The following SNRNP70 variants were observed in gnomAD, a reference collection of about 807,000 sequenced individuals.
The protein encoded by SNRNP70 is U1 small nuclear ribonucleoprotein 70 kDa.
Under a neutral mutation model 50.5 loss-of-function variants are expected in SNRNP70, and 8 were observed. That is an observed-to-expected ratio of 0.16 (90% CI 0.09 to 0.29). The LOEUF (loss-of-function observed/expected upper bound fraction) is 0.29. Among genes scored for constraint, SNRNP70 ranks in the 10% least tolerant of loss-of-function variants. The pLI is 1.00. For synonymous variants in SNRNP70, 320 were observed against 252.9 expected (o/e 1.27, Z -2.52); for missense variants, 529 against 663.5 (o/e 0.80, Z 2.23).
Position 49,104,396 on chromosome 19 carries a change from G to A in SNRNP70, c.476-238G>A, listed in dbSNP as rs779368991. 5 of 497,222 alleles carry A rather than the reference G, an allele frequency of 1.0e-5. No homozygotes were observed. The highest frequency in any genetic ancestry group is 7.2e-5 in the East Asian group (2 of 27,854). The allele number at this position is 497,222 out of a possible 1,614,324, so 30.8% of individuals were successfully genotyped here. A position where few individuals can be genotyped will look rare whatever the true frequency, so the allele number is the denominator to read the frequency against. ...TAGGGGGTGGCGGGTGAGGGTGGAC[G>A]TCTCCCCCGACCAGGAGTGGTTGGG... On this transcript the variant is annotated intron_variant, in intron 7 of 9. Coordinates refer to ENST00000598441, the MANE Select transcript of SNRNP70 (RefSeq NM_003089.6). This position sits in a 1 kb window ranked among gnomAD's most constrained non-coding sequence, Gnocchi z 5.4.
intron 4 of SNRNP70, among the ~76,000 whole-genome samples, chr19:49,096,205 A>G (rs1195410686): frequency 6.6e-6 from 1 of 151,754 alleles, no homozygotes; most frequent in Non-Finnish European, 1.5e-5. Flanking sequence ...CTATAGGCGC[A>G]CACCACCATG....
chr19:49,107,679 C>G lies in SNRNP70; in HGVS notation c.632C>G (p.Ser211Ter). 6.2e-7 allele frequency: 1 copy of G among 1,614,172 alleles called. No homozygotes were observed. Among genetic ancestry groups the G allele is most frequent in the Non-Finnish European group, 8.5e-7 (1 of 1,180,026 alleles). Residue 211 changes from serine to a stop codon, truncating the protein, a stop_gained, in exon 9 of 10, where the codon TCA becomes TGA. Coordinates refer to ENST00000598441, the MANE Select transcript of SNRNP70 (RefSeq NM_003089.6). LOFTEE classifies it high-confidence loss of function. This position sits in a 1 kb window ranked among gnomAD's most constrained non-coding sequence, Gnocchi z 6.0. ...RGGADVNIRHSGRDDTSRYDE... is the reference protein window; with the variant it reads ...RGGADVNIRH ...GGGGCTGATGTGAACATCCGGCATT[C>G]AGGCCGCGATGACACCTCCCGCTAC...
intron 4 of SNRNP70, among the ~76,000 whole-genome samples, chr19:49,091,137 G>A (rs1174909198): frequency 2.0e-5 from 3 of 152,060 alleles, no homozygotes; most frequent in African/African-American, 4.8e-5. Context: ...TTGGGAGGCC[G>A]AGGCAGGCGG....
At chr19:49,103,957 TA>T (rs1310992848) in intron 7 of SNRNP70, 2 of 151,970 alleles carry the variant, frequency 1.3e-5, no homozygotes, top group Non-Finnish European at 2.9e-5. Context: ...GGATTTTCAG[TA>T]GCACCGCACG....
At chr19:49,102,438 C>T (rs1287663503) in intron 7 of SNRNP70, 1 of 284,250 alleles carries the variant, frequency 3.5e-6, no homozygotes, top group Non-Finnish European at 7.2e-6. Flanking sequence ...TTGGGTTCCA[C>T]CCAGCCTCTG....
intron 4 of SNRNP70, among the ~76,000 whole-genome samples, chr19:49,092,634 CCT>C (rs917624314): frequency 5.9e-5 from 9 of 152,168 alleles, no homozygotes; most frequent in African/African-American, 2.2e-4. Flanking sequence ...GCCTCGAACT[CCT>C]GACCTCAGGT....
chr19:49,092,253 C>T (rs754210024), intron 4 of SNRNP70, among the ~76,000 whole-genome samples: 1 of 151,990 alleles, frequency 6.6e-6, no homozygotes, highest in African/African-American at 2.4e-5. Context: ...GGACTACAGG[C>T]GTGCGTCACC....
intron 7 of SNRNP70, chr19:49,103,462 G>C (rs2040618333): frequency 6.6e-6 from 1 of 152,658 alleles, no homozygotes; most frequent in East Asian, 1.9e-4. Context: ...GCTCAGGTAA[G>C]CTTGGGGGCT....
In SNRNP70 at chr19:49,104,429, G is replaced by C. The variant is rs981444224; in HGVS notation, c.476-205G>C. On this transcript the variant is annotated intron_variant, in intron 7 of 9. Transcript: ENST00000598441. This position sits in a 1 kb window ranked among gnomAD's most constrained non-coding sequence, Gnocchi z 5.4. ...CGACCAGGAGTGGTTGGGGCGCTGA[G>C]AGGAAGCAGACGCTGAGATGGAGCA... 5 of 548,008 alleles carry C rather than the reference G, an allele frequency of 9.1e-6. No homozygotes were observed. The Admixed American group carries it at 1.3e-4, about 14-fold the overall frequency. The allele number at this position is 548,008 out of a possible 1,614,324, so 33.9% of individuals were successfully genotyped here.
Position 49,092,752 on chromosome 19 carries a change from C to CT in SNRNP70, c.265+2240dup, listed in dbSNP as rs1039640848. ...ACCAACCACATCCACTGTGGGTCTT[C>CT]TTTTTTTTCTTTTTTGGAAAAACTT... On this transcript the variant is annotated intron_variant, in intron 4 of 9. Transcript: ENST00000598441. 1.3e-4 allele frequency among the ~76,000 whole-genome samples: 20 copies of CT among 151,942 alleles called. 1 individual carries two copies. Among genetic ancestry groups the CT allele is most frequent in the East Asian group, 9.7e-4 (5 of 5,146 alleles).
chr19:49,090,533 T>C lies in SNRNP70; in HGVS notation c.265+13T>C. The stretch of plus-strand genomic sequence containing the variant: ...GAGCTTAAAATGTGTAAGTCTCTCA[T>C]CCACCATTTGGCTCTCTCCTCTCCC... On this transcript the variant is annotated intron_variant, in intron 4 of 9. Coordinates refer to ENST00000598441, the MANE Select transcript of SNRNP70 (RefSeq NM_003089.6). The C allele has an allele frequency of 7.4e-6, 12 of 1,613,612 alleles. No homozygotes were observed. Among genetic ancestry groups the C allele is most frequent in the Non-Finnish European group, 1.0e-5 (12 of 1,179,558 alleles).
At chr19:49,090,420 C>T in intron 3 of SNRNP70, 46 bp from the exon 4 acceptor site, 1 of 1,612,248 alleles carries the variant, frequency 6.2e-7, no homozygotes, top group Non-Finnish European at 8.5e-7. Flanking sequence ...GACACTAGGG[C>T]ACTTCTATCT....
chr19:49,104,765 C>G lies in SNRNP70; in HGVS notation c.577+30C>G. ...GCACATCCTGCCTTCGACGGGCTCT[C>G]GGGGGCCCTGGGCCTGGTGGCCTTG... On this transcript the variant is annotated intron_variant, in intron 8 of 9. Transcript: ENST00000598441. The surrounding 1 kb of genome is among the most constrained non-coding windows in gnomAD (Gnocchi z 5.4). 6 of 1,446,292 alleles carry G rather than the reference C, an allele frequency of 4.1e-6. No homozygotes were observed. The highest frequency in any genetic ancestry group is 5.6e-6 in the Non-Finnish European group (6 of 1,071,706). 89.6% of individuals were successfully genotyped at this position (1,446,292 alleles called of 1,614,324 possible).
chr19:49,108,366 A>G lies in SNRNP70; in HGVS notation c.1237A>G (p.Met413Val), dbSNP rs143538916. ...GGGTCTGGGCAACGACAGCCGAGAC[A>G]TGTACATGGAGTCTGAGGGCGGCGA... Reference protein sequence around the residue: ...LEGLGNDSRDMYMESEGGDGY... With the variant: ...LEGLGNDSRDVYMESEGGDGY... The change falls in exon 10 of 10, where the codon ATG becomes GTG. Residue 413 changes from methionine (M) to valine (V), a missense_variant. Met to Val is a conservative substitution (Grantham distance 21). Around this residue, in one of 4 missense-constraint regions of SNRNP70, gnomAD observed 327 missense variants for 308.8 expected, o/e 1.06. Coordinates refer to ENST00000598441, the MANE Select transcript of SNRNP70 (RefSeq NM_003089.6). 24 of 1,611,072 alleles carry G rather than the reference A, an allele frequency of 1.5e-5. No homozygotes were observed. The highest frequency in any genetic ancestry group is 2.0e-5 in the Non-Finnish European group (24 of 1,178,708).
At chr19:49,089,790 G>A (rs1458693670) in intron 2 of SNRNP70, among the ~76,000 whole-genome samples, 2 of 149,934 alleles carry the variant, frequency 1.3e-5, no homozygotes, top group African/African-American at 4.9e-5. Flanking sequence ...AGCCTCCCGA[G>A]TAGCTGGGAC....
intron 6 of SNRNP70, 86 bp downstream of exon 6, chr19:49,098,790 C>G (rs1457846581): frequency 2.8e-6 from 3 of 1,055,322 alleles, no homozygotes; most frequent in Non-Finnish European, 3.0e-6. Flanking sequence ...GGTCCCAGCC[C>G]TGAGCATGGC....
intron 4 of SNRNP70, among the ~76,000 whole-genome samples, chr19:49,095,060 A>G (rs1051235090): frequency 3.3e-5 from 5 of 152,258 alleles, no homozygotes; most frequent in African/African-American, 7.2e-5. Flanking sequence ...GCTGCCCGGC[A>G]TTGGGTCTGT....
chr19:49,086,553 G>A lies in SNRNP70; in HGVS notation c.139G>A (p.Glu47Lys). ...PYCGIAPYIR[E>K]FEDPRDAPPP... ...TTGTGGCATTGCGCCGTACATTCGAGAGTTTGAGGTGAGTTCACTGAGCAG... is the reference window on the plus strand; with the variant it reads ...TTGTGGCATTGCGCCGTACATTCGAAAGTTTGAGGTGAGTTCACTGAGCAG... Residue 47 changes from glutamate (E) to lysine (K), a missense_variant, in exon 2 of 10, where the codon GAG (glutamate) becomes AAG (lysine). Transcript: ENST00000598441. 6.2e-7 allele frequency: 1 copy of A among 1,613,946 alleles called. No homozygotes were observed. Among genetic ancestry groups the A allele is most frequent in the Non-Finnish European group, 8.5e-7 (1 of 1,179,954 alleles).
intron 6 of SNRNP70, among the ~76,000 whole-genome samples, chr19:49,100,791 G>A (rs1271188309): frequency 3.7e-5 from 5 of 134,410 alleles, no homozygotes; most frequent in Non-Finnish European, 6.2e-5. Context: ...GGGCAACAGA[G>A]CAAGACTCTG....
Sources: allele counts gnomAD v4.1 joint callset (sites outside exome capture counted in the v4.1 genomes callset), GRCh38; gene constraint gnomAD v4.1.1; regional missense constraint gnomAD v4.1.1; non-coding constraint Gnocchi (gnomAD v3.1); transcripts MANE v1.5; gene names NCBI Gene and HGNC (gene_info 2026-07-23, HGNC 2026-07-21).